Variants in BCL11B observed in about 807,000 individuals in gnomAD.
The protein encoded by BCL11B is BCL11 transcription factor B.
Under a neutral mutation model 49.9 loss-of-function variants are expected in BCL11B, and 8 were observed. The observed-to-expected ratio is 0.16, with a 90% CI of 0.09 to 0.29. The LOEUF (loss-of-function observed/expected upper bound fraction) is 0.29, where lower values mean the gene tolerates loss of function less well. Among genes scored for constraint, BCL11B ranks in the 10% least tolerant of loss-of-function variants. BCL11B has a pLI of 1.00. For synonymous variants in BCL11B, 739 were observed against 637.4 expected, an observed-to-expected ratio of 1.16 and a Z score of -2.40; for missense variants, 1,006 against 1,351.0, an observed-to-expected ratio of 0.74 and a Z score of 4.00.
Position 99,231,395 on chromosome 14 carries a change from T to C in BCL11B, c.590A>G (p.Gln197Arg), listed in dbSNP as rs1181382405. Residue 197 changes from glutamine to arginine, a missense_variant, in exon 3 of 4, where the codon CAG becomes CGG. Coordinates refer to ENST00000357195, the MANE Select transcript of BCL11B (RefSeq NM_138576.4). The surrounding 1 kb of genome is among the most constrained non-coding windows in gnomAD (Gnocchi z 8.1). Reference sequence around the variant, plus strand: ...GGGAGCCTCCGTCTGACCCTCACCCTGAGTCCCGTCACCCGAGACCGGGCG... The same window carrying C: ...GGGAGCCTCCGTCTGACCCTCACCCCGAGTCCCGTCACCCGAGACCGGGCG... ...SARPVSGDGTQGEGQTEAPFG... is the reference protein window; with the variant it reads ...SARPVSGDGTRGEGQTEAPFG... 1.2e-6 allele frequency: 2 copies of C among 1,600,810 alleles called. No homozygotes were observed. Among genetic ancestry groups the C allele is most frequent in the Non-Finnish European group, 1.7e-6 (2 of 1,173,850 alleles).
chr14:99,260,843 C>T (rs745645344), intron 1 of BCL11B, among the ~76,000 whole-genome samples: 1 of 152,052 alleles, frequency 6.6e-6, no homozygotes, highest in Non-Finnish European at 1.5e-5. Context: ...GGAGCCAGGC[C>T]CTGTTGGCGT....
At chr14:99,229,051 G>GATGGATGGATGC (rs1566820116) in intron 3 of BCL11B, among the ~76,000 whole-genome samples, 71 of 88,410 alleles carry the variant, frequency 8.0e-4, no homozygotes, top group South Asian at 3.5e-3. Flanking sequence ...TGCATGGATG[G>GATGGATGGATGC]ATGGATGGAT....
intron 2 of BCL11B, among the ~76,000 whole-genome samples, chr14:99,256,395 T>C (rs1174098453): frequency 6.6e-6 from 1 of 152,206 alleles, no homozygotes; most frequent in African/African-American, 2.4e-5. Flanking sequence ...CACTTTCTGT[T>C]GACAGATGGG....
At chr14:99,236,309 G>GA (rs534922024) in intron 2 of BCL11B, among the ~76,000 whole-genome samples, 5 of 151,882 alleles carry the variant, frequency 3.3e-5, no homozygotes, top group African/African-American at 7.2e-5. Context: ...AAGGATGATA[G>GA]AAAAAAAATG....
chr14:99,182,369 C>A (rs972258677), intron 3 of BCL11B, among the ~76,000 whole-genome samples: 1 of 152,180 alleles, frequency 6.6e-6, no homozygotes, highest in Non-Finnish European at 1.5e-5. Flanking sequence ...ACGGTAAAGC[C>A]TGTGCTCTTG....
rs377325542 is a variant in BCL11B at position 99,190,765 on chromosome 14, C to A, written c.641-14570G>T. 2.6e-5 allele frequency among the ~76,000 whole-genome samples: 4 copies of A among 152,296 alleles called. No individual in the cohort carries two copies. The East Asian group carries it at 7.7e-4, about 29-fold the overall frequency. On this transcript the variant is annotated intron_variant, in intron 3 of 3. Coordinates refer to ENST00000357195, the MANE Select transcript of BCL11B (RefSeq NM_138576.4). ...TAGAAAGAAGAATTGTTCTAAAGCT[C>A]GGCATGGCAAATATTTCAGAGAAAA...
Position 99,270,755 on chromosome 14 carries a change from C to G in BCL11B, c.58+406G>C, listed in dbSNP as rs1196592534. Among the ~76,000 whole-genome samples, 5 of 147,038 alleles carry G rather than the reference C, an allele frequency of 3.4e-5. No individual in the cohort carries two copies. In the East Asian group the frequency reaches 8.2e-4, roughly 24 times the overall value. The stretch of plus-strand genomic sequence containing the variant: ...ACTTTTCCCCACTTCCCGGCTCCCC[C>G]TCCCCCTCCGCTCCCCCAGCCCCCT... On this transcript the variant is annotated intron_variant, in intron 1 of 3. Transcript: ENST00000357195.
chr14:99,178,447 A>G (rs1037846220), intron 3 of BCL11B, among the ~76,000 whole-genome samples: 1 of 152,206 alleles, frequency 6.6e-6, no homozygotes, highest in African/African-American at 2.4e-5. Flanking sequence ...ACGCCTTCCC[A>G]AGGCCCTGGG....
At chr14:99,254,263 C>A (rs552669911) in intron 2 of BCL11B, among the ~76,000 whole-genome samples, 1 of 152,304 alleles carries the variant, frequency 6.6e-6, no homozygotes, top group South Asian at 2.1e-4. Flanking sequence ...CTATCATTTA[C>A]CAAAAATAAA....
At chr14:99,185,446 GAAA>G (rs11352447) in intron 3 of BCL11B, among the ~76,000 whole-genome samples, 2 of 138,552 alleles carry the variant, frequency 1.4e-5, no homozygotes, top group African/African-American at 5.2e-5. Flanking sequence ...TAAAAAAAAA[GAAA>G]AAAAAAAAAA....
chr14:99,253,055 C>T (rs553065938), intron 2 of BCL11B, among the ~76,000 whole-genome samples: 159 of 152,370 alleles, frequency 1.0e-3, no homozygotes, highest in African/African-American at 3.7e-3. Flanking sequence ...CAGGCCCAAC[C>T]GGTGCCAGGT....
At chr14:99,264,518 T>C (rs1458287285) in intron 1 of BCL11B, 3 of 152,048 alleles carry the variant, frequency 2.0e-5, no homozygotes, top group Non-Finnish European at 4.4e-5. Flanking sequence ...CTTTTTTTAC[T>C]TTGAAGTGAC....
chr14:99,257,768 G>A lies in BCL11B; in HGVS notation c.130C>T (p.Leu44=), dbSNP rs992184715. Residue 44 remains leucine (L), a synonymous_variant, in exon 2 of 4, where the codon CTG becomes TTG. Coordinates refer to ENST00000357195, the MANE Select transcript of BCL11B (RefSeq NM_138576.4). The surrounding 1 kb of genome is among the most constrained non-coding windows in gnomAD (Gnocchi z 6.2). The part of the protein sequence containing the change: ...EGLEIEEPSG[L]GLMVGGPDPD... ...TCGGGGCCACCCACCATCAGCCCCA[G>A]GCCACTTGGCTCCTCTATCTCCAGA... 3 of 1,600,094 alleles carry A rather than the reference G, an allele frequency of 1.9e-6. No individual in the cohort carries two copies. In the Admixed American group the frequency reaches 5.1e-5, roughly 27 times the overall value.
chr14:99,255,050 A>G (rs780067461), intron 2 of BCL11B, among the ~76,000 whole-genome samples: 43 of 152,222 alleles, frequency 2.8e-4, no homozygotes, highest in Non-Finnish European at 5.7e-4. Context: ...CATTTGAGCC[A>G]CTGAAGTTTT....
At chr14:99,234,314 C>T (rs966151868) in intron 2 of BCL11B, among the ~76,000 whole-genome samples, 1 of 152,180 alleles carries the variant, frequency 6.6e-6, no homozygotes, top group Admixed American at 6.5e-5. Context: ...CATCATGTGA[C>T]TCTTACCTCA....
At chr14:99,239,785 A>G (rs2139911816) in intron 2 of BCL11B, among the ~76,000 whole-genome samples, 1 of 152,334 alleles carries the variant, frequency 6.6e-6, no homozygotes, top group East Asian at 1.9e-4. Flanking sequence ...TTGTGGTTCC[A>G]AGGTCCCATG....
chr14:99,201,447 G>A (rs1199650635), intron 3 of BCL11B, among the ~76,000 whole-genome samples: 2 of 152,126 alleles, frequency 1.3e-5, no homozygotes, highest in African/African-American at 2.4e-5. Context: ...CTTCCTTCCT[G>A]CTTAGAGATG....
intron 3 of BCL11B, among the ~76,000 whole-genome samples, chr14:99,190,681 C>A (rs1329566212): frequency 6.6e-6 from 1 of 152,192 alleles, no homozygotes; most frequent in Non-Finnish European, 1.5e-5. Flanking sequence ...ACTGCCAAAA[C>A]CACTGGCAAA....
intron 1 of BCL11B, among the ~76,000 whole-genome samples, chr14:99,265,859 G>A (rs993991077): frequency 1.6e-4 from 25 of 152,170 alleles, no homozygotes; most frequent in Non-Finnish European, 3.1e-4. Context: ...CTTTCCTGTC[G>A]CAGGGTAACC....
Sources: allele counts gnomAD v4.1 joint callset (sites outside exome capture counted in the v4.1 genomes callset), GRCh38; gene constraint gnomAD v4.1.1; non-coding constraint Gnocchi (gnomAD v3.1); transcripts MANE v1.5; gene names NCBI Gene and HGNC (gene_info 2026-07-23, HGNC 2026-07-21).